The following RALGPS1 variants were observed in gnomAD, a reference collection of about 807,000 sequenced individuals.
RALGPS1 encodes the protein Ral GEF with PH domain and SH3 binding motif 1, also known as ras-specific guanine nucleotide-releasing factor RalGPS1.
Under a neutral mutation model 78.8 loss-of-function variants are expected in RALGPS1, and 19 were observed. That is an observed-to-expected ratio of 0.24 (90% CI 0.17 to 0.35). The LOEUF is 0.35. Among genes scored for constraint, RALGPS1 ranks in the 10% least tolerant of loss-of-function variants. The probability of loss-of-function intolerance (pLI) is 1.00; values close to 1 mark genes in which losing one functional copy is unlikely to be tolerated. For missense variants in RALGPS1, 454 were observed against 688.3 expected, an observed-to-expected ratio of 0.66 and a Z score of 3.81; for synonymous variants, 228 against 256.3, an observed-to-expected ratio of 0.89 and a Z score of 1.06.
chr9:127,142,609 A>G (rs1229935290), intron 8 of RALGPS1, among the ~76,000 whole-genome samples: 2 of 152,180 alleles, frequency 1.3e-5, no homozygotes, highest in African/African-American at 4.8e-5. Context: ...TTGGGTTGCA[A>G]ATAAGACCCT....
At position 127,091,574 on chromosome 9, in the gene RALGPS1, G is replaced by A. The variant is rs2052478362; in HGVS notation, c.610+22218G>A. ...CTTGGCCCAGCTGCTTCTCACCCTG[G>A]GATCTTCCCGTTTCCAAGCCCTGGA... On this transcript the variant is annotated intron_variant, in intron 8 of 18. Coordinates refer to ENST00000259351, the MANE Select transcript of RALGPS1 (RefSeq NM_014636.3). The surrounding 1 kb of genome is among the most constrained non-coding windows in gnomAD (Gnocchi z 4.3). 2 of 1,500,804 alleles carry A rather than the reference G, an allele frequency of 1.3e-6. No individual in the cohort carries two copies. Among genetic ancestry groups the A allele is most frequent in the Admixed American group, 2.0e-5 (1 of 50,786 alleles). 93.0% of individuals were successfully genotyped at this position (1,500,804 alleles called of 1,614,324 possible). A position where few individuals can be genotyped will look rare whatever the true frequency, so the allele number is the denominator to read the frequency against.
intron 1 of RALGPS1, among the ~76,000 whole-genome samples, chr9:126,954,914 T>C (rs548558544): frequency 1.3e-5 from 2 of 152,212 alleles, no homozygotes; most frequent in Non-Finnish European, 2.9e-5. Flanking sequence ...AGCCTGTCTG[T>C]CGACTGCTTC....
chr9:126,991,492 G>C (rs1432468167), intron 4 of RALGPS1, among the ~76,000 whole-genome samples: 1 of 152,146 alleles, frequency 6.6e-6, no homozygotes, highest in Non-Finnish European at 1.5e-5. Context: ...GTGAACAGCT[G>C]TTTTCATCCA....
Position 127,178,391 on chromosome 9 carries a change from C to G in RALGPS1, c.910+3609C>G, listed in dbSNP as rs543674788. ...AGCATACTGCCAAGCCTCAGTGTCT[C>G]TATCTGTAAAGTGGGCATAAAATCT... On this transcript the variant is annotated intron_variant, in intron 11 of 18. Coordinates refer to ENST00000259351, the MANE Select transcript of RALGPS1 (RefSeq NM_014636.3). 32 of 883,078 alleles carry G rather than the reference C, an allele frequency of 3.6e-5. No homozygotes were observed. The South Asian group carries it at 1.0e-3, about 29-fold the overall frequency. The allele number at this position is 883,078 out of a possible 1,614,324, so 54.7% of individuals were successfully genotyped here. A position where few individuals can be genotyped will look rare whatever the true frequency, so the allele number is the denominator to read the frequency against.
At chr9:127,165,809 T>C (rs1394619965) in intron 8 of RALGPS1, among the ~76,000 whole-genome samples, 2 of 152,220 alleles carry the variant, frequency 1.3e-5, no homozygotes, top group African/African-American at 4.8e-5. Context: ...GGTAAAAGCC[T>C]TATTGCTGGA....
intron 4 of RALGPS1, among the ~76,000 whole-genome samples, chr9:127,001,249 T>C (rs899954262): frequency 6.6e-6 from 1 of 150,480 alleles, no homozygotes; most frequent in South Asian, 2.1e-4. Context: ...ATTGTGCCAC[T>C]GCACTCAAGC....
chr9:127,197,715 C>T (rs549740270), intron 13 of RALGPS1, among the ~76,000 whole-genome samples: 10 of 152,248 alleles, frequency 6.6e-5, no homozygotes, highest in African/African-American at 1.4e-4. Context: ...CAGCTCAGGA[C>T]GATGTGTCCG....
intron 11 of RALGPS1, among the ~76,000 whole-genome samples, chr9:127,185,891 G>C (rs957972014): frequency 2.6e-5 from 4 of 152,206 alleles, no homozygotes; most frequent in Non-Finnish European, 5.9e-5. Context: ...TCCTCACAGG[G>C]AGGCTGTCAG....
intron 8 of RALGPS1, among the ~76,000 whole-genome samples, chr9:127,119,793 G>A (rs528985682): frequency 3.9e-5 from 6 of 152,274 alleles, no homozygotes; most frequent in African/African-American, 1.4e-4. Context: ...TGCCTCATTA[G>A]TAGTAAGTAG....
rs180933214 is a variant in RALGPS1 at position 127,150,804 on chromosome 9, G to T, written c.611-15265G>T. On this transcript the variant is annotated intron_variant, in intron 8 of 18. Coordinates refer to ENST00000259351, the MANE Select transcript of RALGPS1 (RefSeq NM_014636.3). ...CCAAGTGCTTGCTTTCTGCCCCAGG[G>T]GTTTGGGTGGCATCTGCAGAAGGAG... 1.6e-4 allele frequency among the ~76,000 whole-genome samples: 24 copies of T among 152,306 alleles called. No homozygotes were observed. In the East Asian group the frequency reaches 3.3e-3, roughly 21 times the overall value.
At chr9:126,928,095 G>T (rs2035468184) in intron 1 of RALGPS1, among the ~76,000 whole-genome samples, 3 of 152,216 alleles carry the variant, frequency 2.0e-5, no homozygotes, top group Admixed American at 2.0e-4. Context: ...AAGCCTAAGT[G>T]CCTGACTGAG....
chr9:127,052,767 T>G, intron 6 of RALGPS1, 80 bp from the exon 7 acceptor site: 10 of 858,678 alleles, frequency 1.2e-5, no homozygotes, highest in Non-Finnish European at 1.5e-5. Context: ...TTCATAAATA[T>G]GACATTTGGT....
chr9:127,200,452 C>G (rs560773172), intron 14 of RALGPS1, among the ~76,000 whole-genome samples: 6 of 152,378 alleles, frequency 3.9e-5, no homozygotes, highest in Non-Finnish European at 5.9e-5. Flanking sequence ...GCTCCACACT[C>G]TGGTATGGAC....
intron 1 of RALGPS1, among the ~76,000 whole-genome samples, chr9:126,936,806 A>C (rs989903046): frequency 6.6e-6 from 1 of 151,860 alleles, no homozygotes; most frequent in Non-Finnish European, 1.5e-5. Context: ...GAGTAGAGAT[A>C]TGGAGACAGG....
At position 126,965,892 on chromosome 9, in the gene RALGPS1, A is replaced by G; in HGVS notation, c.106A>G (p.Ser36Gly). Residue 36 changes from serine (S) to glycine (G), a missense_variant, in exon 3 of 19, where the codon AGC becomes GGC. Ser to Gly is a moderately conservative substitution (Grantham distance 56, BLOSUM62 0). Coordinates refer to ENST00000259351, the MANE Select transcript of RALGPS1 (RefSeq NM_014636.3). ...SLEGQSCDYA[S>G]KSYDAVVFDV... The stretch of plus-strand genomic sequence containing the variant: ...GGAGGGCCAGAGCTGCGACTATGCC[A>G]GCAAGAGCTATGATGCCGTTGTCTT... 2.5e-6 allele frequency: 4 copies of G among 1,614,194 alleles called. No individual in the cohort carries two copies. The highest frequency in any genetic ancestry group is 3.4e-6 in the Non-Finnish European group (4 of 1,179,994).
chr9:127,021,818 A>G (rs1316679212), intron 4 of RALGPS1, among the ~76,000 whole-genome samples: 1 of 152,114 alleles, frequency 6.6e-6, no homozygotes. Context: ...TCAGTCCGCT[A>G]ATCGGGCTCT....
intron 8 of RALGPS1, among the ~76,000 whole-genome samples, chr9:127,121,645 C>T (rs1440771824): frequency 1.3e-5 from 2 of 152,252 alleles, no homozygotes; most frequent in Non-Finnish European, 2.9e-5. Context: ...TGTCCCCTTG[C>T]GGGGGTACCA....
At chr9:126,990,608 G>A (rs1339944821) in intron 4 of RALGPS1, among the ~76,000 whole-genome samples, 1 of 152,224 alleles carries the variant, frequency 6.6e-6, no homozygotes, top group Admixed American at 6.5e-5. Context: ...GCCCTCTGCC[G>A]GGAATGCTCT....
intron 7 of RALGPS1, among the ~76,000 whole-genome samples, 155 bp downstream of exon 7, chr9:127,053,094 G>A (rs1418194626): frequency 6.6e-6 from 1 of 152,156 alleles, no homozygotes; most frequent in Non-Finnish European, 1.5e-5. Flanking sequence ...TCCTCACTCC[G>A]TCAGTGACCC....
Sources: allele counts gnomAD v4.1 joint callset (sites outside exome capture counted in the v4.1 genomes callset), GRCh38; gene constraint gnomAD v4.1.1; non-coding constraint Gnocchi (gnomAD v3.1); transcripts MANE v1.5; gene names NCBI Gene and HGNC (gene_info 2026-07-23, HGNC 2026-07-21).